Variants in TG observed in about 807,000 individuals in gnomAD.
TG encodes thyroglobulin.
TG carries 270 observed loss-of-function variants against 324.7 expected under a neutral mutation model. The observed-to-expected ratio is 0.83, with a 90% CI of 0.75 to 0.92. The LOEUF (loss-of-function observed/expected upper bound fraction) is 0.92, where lower values mean the gene tolerates loss of function less well. TG is among the 40% of genes least tolerant of loss of function. The pLI is 0.00. For synonymous variants in TG, 1,401 were observed against 1,327.0 expected, an observed-to-expected ratio of 1.06 and a Z score of -1.21; for missense variants, 3,591 against 3,456.4, an observed-to-expected ratio of 1.04 and a Z score of -0.98.
intron 10 of TG, among the ~76,000 whole-genome samples, chr8:132,889,540 C>A (rs1815928811): frequency 6.6e-6 from 1 of 152,222 alleles, no homozygotes; most frequent in Non-Finnish European, 1.5e-5. Flanking sequence ...ATTCTCCAAT[C>A]AAATGTCAAG....
intron 45 of TG, among the ~76,000 whole-genome samples, chr8:133,119,770 C>A (rs576128845): frequency 6.6e-6 from 1 of 152,296 alleles, no homozygotes; most frequent in Non-Finnish European, 1.5e-5. Flanking sequence ...CGAGGACAAG[C>A]AGCTGGTTAG....
At chr8:132,880,044 T>C (rs1259492797) in intron 5 of TG, among the ~76,000 whole-genome samples, 1 of 152,220 alleles carries the variant, frequency 6.6e-6, no homozygotes, top group Non-Finnish European at 1.5e-5. Context: ...ATCTATGAGA[T>C]GCCAGGAAGA....
Position 133,018,012 on chromosome 8 carries a change from G to A in TG, c.6782+15G>A. 2 of 1,612,876 alleles carry A rather than the reference G, an allele frequency of 1.2e-6. No individual in the cohort carries two copies. The highest frequency in any genetic ancestry group is 1.7e-6 in the Non-Finnish European group (2 of 1,179,066). On this transcript the variant is annotated intron_variant, in intron 38 of 47. Transcript: ENST00000220616. Reference sequence around the variant, plus strand: ...AGCAAGCCAAGGTATGGGTTGAGTGGAGCACATCTTGGTAAATGCTCAGAG... The same window carrying A: ...AGCAAGCCAAGGTATGGGTTGAGTGAAGCACATCTTGGTAAATGCTCAGAG...
intron 16 of TG, among the ~76,000 whole-genome samples, chr8:132,905,428 A>C (rs1818536648): frequency 6.6e-6 from 1 of 152,202 alleles, no homozygotes; most frequent in South Asian, 2.1e-4. Context: ...TCTGGAGATC[A>C]AAATAGGTCA....
At position 132,911,565 on chromosome 8, in the gene TG, G is replaced by A. The variant is rs760994184; in HGVS notation, c.4159+32G>A. On this transcript the variant is annotated intron_variant, in intron 19 of 47. Transcript: ENST00000220616. ...TTTTCTGTGGTAGTACCTAGAATAAGCTATGCAGCCTCTCTGAGTCTCAGT... is the reference window on the plus strand; with the variant it reads ...TTTTCTGTGGTAGTACCTAGAATAAACTATGCAGCCTCTCTGAGTCTCAGT... 9 of 1,574,822 alleles carry A rather than the reference G, an allele frequency of 5.7e-6. No homozygotes were observed. The East Asian group carries it at 1.6e-4, about 27-fold the overall frequency.
intron 22 of TG, among the ~76,000 whole-genome samples, chr8:132,924,067 C>A (rs1310505719): frequency 6.6e-6 from 1 of 152,032 alleles, no homozygotes; most frequent in Non-Finnish European, 1.5e-5. Flanking sequence ...AATTATACAA[C>A]TCACCATAAC....
intron 41 of TG, among the ~76,000 whole-genome samples, chr8:133,058,674 G>A (rs371076093): frequency 2.6e-5 from 4 of 152,158 alleles, no homozygotes; most frequent in South Asian, 2.1e-4. Flanking sequence ...AAAGAGCCCG[G>A]CATTCTCCTG....
At chr8:133,104,688 C>G (rs1274445827) in intron 43 of TG, among the ~76,000 whole-genome samples, 1 of 152,084 alleles carries the variant, frequency 6.6e-6, no homozygotes, top group African/African-American at 2.4e-5. Flanking sequence ...AGATTGGGCT[C>G]TTGTAGGTCA....
Position 133,071,188 on chromosome 8 carries a change from C to G in TG, c.7240-23856C>G, listed in dbSNP as rs2981294. ...AGTGCGTATTGAGGAATTGTGTGTC[C>G]TAGGTGTGTTACATGTACTCTCCAC... is the stretch of plus-strand genomic sequence containing the variant. On this transcript the variant is annotated intron_variant, in intron 41 of 47. Transcript: ENST00000220616. Among the ~76,000 whole-genome samples, 197 of 152,300 alleles carry G rather than the reference C, an allele frequency of 1.3e-3. 2 individuals carry two copies. In the South Asian group the frequency reaches 0.04, roughly 31 times the overall value.
chr8:132,891,111 A>G (rs1816177786), intron 10 of TG, among the ~76,000 whole-genome samples: 1 of 152,080 alleles, frequency 6.6e-6, no homozygotes. Context: ...GAAAGGGGCT[A>G]CTAACTCATT....
intron 41 of TG, among the ~76,000 whole-genome samples, chr8:133,082,075 G>A (rs542660332): frequency 6.6e-6 from 1 of 152,312 alleles, no homozygotes; most frequent in Admixed American, 6.5e-5. Flanking sequence ...TCTGTTTAAG[G>A]ACACAGACAA....
chr8:133,120,737 A>G (rs148829482), intron 45 of TG, among the ~76,000 whole-genome samples: 2 of 152,340 alleles, frequency 1.3e-5, no homozygotes, highest in African/African-American at 4.8e-5. Context: ...CTATCTCTAA[A>G]TAAGGTCCCA....
intron 37 of TG, among the ~76,000 whole-genome samples, chr8:133,015,633 C>T (rs1039622152): frequency 4.6e-5 from 7 of 152,164 alleles, no homozygotes; most frequent in African/African-American, 1.7e-4. Context: ...TGGCTTTGCT[C>T]CCGCCTTTGG....
At chr8:132,987,721 G>GGTGTGT (rs71276508) in intron 35 of TG, among the ~76,000 whole-genome samples, 2 of 149,766 alleles carry the variant, frequency 1.3e-5, no homozygotes, top group Non-Finnish European at 3.0e-5. Flanking sequence ...GTGTGTGTGT[G>GGTGTGT]GTGTGTGTGT....
At position 132,972,456 on chromosome 8, in the gene TG, C is replaced by T. The variant is rs151120383; in HGVS notation, c.6056-142C>T. ...CAGGTACCAGGTTTTTCAGCAGTGGCTGAGATAGTATCTGAAATATAGTGG... is the reference window on the plus strand; with the variant it reads ...CAGGTACCAGGTTTTTCAGCAGTGGTTGAGATAGTATCTGAAATATAGTGG... On this transcript the variant is annotated intron_variant, in intron 33 of 47. Coordinates refer to ENST00000220616, the MANE Select transcript of TG (RefSeq NM_003235.5). 7.2e-4 allele frequency: 699 copies of T among 974,588 alleles called. 17 individuals carry two copies. The East Asian group carries it at 0.018, about 25-fold the overall frequency. The allele number at this position is 974,588 out of a possible 1,614,324, so 60.4% of individuals were successfully genotyped here.
In TG at chr8:133,012,152, G is replaced by A. The variant is rs1417903576; in HGVS notation, c.6397+117G>A. The A allele has an allele frequency of 4.8e-6, 7 of 1,459,142 alleles. No individual in the cohort carries two copies. The East Asian group carries it at 1.4e-4, about 29-fold the overall frequency. 90.4% of individuals were successfully genotyped at this position (1,459,142 alleles called of 1,614,324 possible). A position where few individuals can be genotyped will look rare whatever the true frequency, so the allele number is the denominator to read the frequency against. ...CTACGATAACCTAGGATGCTTGGAA[G>A]TAAGGGATTAACCTGGGGAAGAAGA... On this transcript the variant is annotated intron_variant, in intron 36 of 47. Coordinates refer to ENST00000220616, the MANE Select transcript of TG (RefSeq NM_003235.5).
intron 41 of TG, among the ~76,000 whole-genome samples, chr8:133,084,308 A>G (rs1381749355): frequency 6.6e-6 from 1 of 152,220 alleles, no homozygotes; most frequent in Non-Finnish European, 1.5e-5. Context: ...GAAAAAAATG[A>G]CTAGAAAGAA....
At position 132,886,879 on chromosome 8, in the gene TG, C is replaced by G; in HGVS notation, c.1507C>G (p.Gln503Glu). The G allele has an allele frequency of 6.2e-7, 1 of 1,614,140 alleles. No individual in the cohort carries two copies. The highest frequency in any genetic ancestry group is 8.5e-7 in the Non-Finnish European group (1 of 1,180,028). The change falls in exon 9 of 48, where the codon CAA becomes GAA. Residue 503 changes from glutamine (Q) to glutamate (E), a missense_variant. Gln to Glu is a conservative substitution (Grantham distance 29). Coordinates refer to ENST00000220616, the MANE Select transcript of TG (RefSeq NM_003235.5). Reference protein sequence around the residue: ...GTFNFSQFFQQLGLASFLNGG... With the variant: ...GTFNFSQFFQELGLASFLNGG... ...ATTTAACTTCAGTCAATTTTTCCAG[C>G]AACTTGGTCTTGCAAGCTTCTTGAA... is the stretch of plus-strand genomic sequence containing the variant.
At chr8:133,078,821 C>T (rs78751720) in intron 41 of TG, among the ~76,000 whole-genome samples, 13 of 152,302 alleles carry the variant, frequency 8.5e-5, no homozygotes, top group African/African-American at 1.2e-4. Flanking sequence ...AGAGGACAGA[C>T]GGGGAGAGAA....
Sources: allele counts gnomAD v4.1 joint callset (sites outside exome capture counted in the v4.1 genomes callset), GRCh38; gene constraint gnomAD v4.1.1; transcripts MANE v1.5; gene names NCBI Gene and HGNC (gene_info 2026-07-23, HGNC 2026-07-21).